The following SGTA variants were observed in gnomAD, a reference collection of about 807,000 sequenced individuals.
The protein encoded by SGTA is small glutamine rich tetratricopeptide repeat co-chaperone alpha.
In SGTA, 22 loss-of-function variants were observed where a neutral mutation model predicts 44.3. The ratio of observed to expected loss-of-function variants is 0.50; its 90% CI spans 0.36 to 0.71. SGTA has a LOEUF of 0.71. SGTA is among the 30% of genes least tolerant of loss of function. The pLI is 0.00. For synonymous variants in SGTA, 174 were observed against 177.6 expected, an observed-to-expected ratio of 0.98 and a Z score of 0.16; for missense variants, 341 against 435.9, an observed-to-expected ratio of 0.78 and a Z score of 1.94.
Position 2,765,193 on chromosome 19 carries a change from A to G in SGTA, c.385T>C (p.Cys129Arg). ...CAGGCCCTGAGCTGGTACCTGTTGC[A>G]GAAATAGACGGCGTTGGCTGGGTTG... is the stretch of plus-strand genomic sequence containing the variant. ...ELNPANAVYF[C>R]NRAAAYSKLG... is the part of the protein sequence containing the mutation. The change falls in exon 5 of 12, where the codon TGC becomes CGC. Residue 129 changes from cysteine to arginine, a missense_variant. Transcript: ENST00000221566. The surrounding 1 kb of genome is among the most constrained non-coding windows in gnomAD (Gnocchi z 5.5). 1 of 1,613,782 alleles carries G rather than the reference A, an allele frequency of 6.2e-7. No individual in the cohort carries two copies. Among genetic ancestry groups the G allele is most frequent in the Non-Finnish European group, 8.5e-7 (1 of 1,179,714 alleles).
chr19:2,755,665 G>C lies in SGTA; in HGVS notation c.*275C>G, dbSNP rs2144715614. 1 of 985,532 alleles carries C rather than the reference G, an allele frequency of 1.0e-6. No homozygotes were observed. The highest frequency in any genetic ancestry group is 4.7e-5 in the South Asian group (1 of 21,296). The allele number at this position is 985,532 out of a possible 1,614,324, so 61.0% of individuals were successfully genotyped here. A position where few individuals can be genotyped will look rare whatever the true frequency, so the allele number is the denominator to read the frequency against. ...CCAGGATTCTAGAAAACACTCAAGT[G>C]ACCGAGCTTTCTGGGGGCTGGAAGG... On this transcript the variant is annotated 3_prime_UTR_variant, in exon 12 of 12. Coordinates refer to ENST00000221566, the MANE Select transcript of SGTA (RefSeq NM_003021.4). The surrounding 1 kb of genome is among the most constrained non-coding windows in gnomAD (Gnocchi z 5.2).
Position 2,782,297 on chromosome 19 carries a change from G to A in SGTA, c.-24+936C>T, listed in dbSNP as rs566551670. Reference sequence around the variant, plus strand: ...CCTGGTTGAGAACCACTGGTCAAGGGAGGGAAAAGGCAGACAAAAGGAATA... The same window carrying A: ...CCTGGTTGAGAACCACTGGTCAAGGAAGGGAAAAGGCAGACAAAAGGAATA... On this transcript the variant is annotated intron_variant, in intron 1 of 11. Coordinates refer to ENST00000221566, the MANE Select transcript of SGTA (RefSeq NM_003021.4). Among the ~76,000 whole-genome samples, 17 of 152,230 alleles carry A rather than the reference G, an allele frequency of 1.1e-4. No individual in the cohort carries two copies. The South Asian group carries it at 3.5e-3, about 32-fold the overall frequency.
intron 1 of SGTA, among the ~76,000 whole-genome samples, chr19:2,779,467 G>A (rs911156744): frequency 2.0e-5 from 3 of 152,168 alleles, no homozygotes; most frequent in African/African-American, 4.8e-5. Flanking sequence ...GCATGAGGAC[G>A]GCATTTTCCT....
Position 2,769,078 on chromosome 19 carries a change from A to G in SGTA, c.-10T>C. 6.2e-7 allele frequency: 1 copy of G among 1,611,922 alleles called. No homozygotes were observed. Among genetic ancestry groups the G allele is most frequent in the Admixed American group, 1.7e-5 (1 of 60,008 alleles). Reference sequence around the variant, plus strand: ...GCTTCTTGTTGTCCATCTTGAGCCCAGAAGAGGTGATACCTGGGGGTGCAG... The same window carrying G: ...GCTTCTTGTTGTCCATCTTGAGCCCGGAAGAGGTGATACCTGGGGGTGCAG... On this transcript the variant is annotated 5_prime_UTR_variant, in exon 2 of 12. Transcript: ENST00000221566.
chr19:2,757,650 C>G, intron 10 of SGTA, 43 bp downstream of exon 10: 1 of 1,490,334 alleles, frequency 6.7e-7, no homozygotes, highest in Non-Finnish European at 9.0e-7. Flanking sequence ...GAGCCCTGCC[C>G]GCCGCCCACG....
intron 1 of SGTA, among the ~76,000 whole-genome samples, chr19:2,781,120 T>C (rs1490125470): frequency 6.6e-6 from 1 of 152,186 alleles, no homozygotes; most frequent in African/African-American, 2.4e-5. Flanking sequence ...TACTGAGCAC[T>C]TCCTACCAGA....
At chr19:2,779,839 G>A (rs963954267) in intron 1 of SGTA, among the ~76,000 whole-genome samples, 2 of 152,204 alleles carry the variant, frequency 1.3e-5, no homozygotes, top group East Asian at 1.9e-4. Flanking sequence ...TTGGGAGGCC[G>A]AGGTGGGAGA....
chr19:2,758,339 G>C (rs752896701), intron 9 of SGTA, among the ~76,000 whole-genome samples: 10 of 152,110 alleles, frequency 6.6e-5, no homozygotes, highest in Non-Finnish European at 1.2e-4. Flanking sequence ...GACCAGCCTG[G>C]CCAACATGGT....
At chr19:2,759,073 A>C (rs1914911004) in intron 9 of SGTA, among the ~76,000 whole-genome samples, 184 bp downstream of exon 9, 1 of 144,640 alleles carries the variant, frequency 6.9e-6, no homozygotes, top group African/African-American at 2.7e-5. Flanking sequence ...GTTGCATGAC[A>C]GTGTGATGGT....
intron 1 of SGTA, among the ~76,000 whole-genome samples, chr19:2,769,348 G>A (rs1011697596): frequency 7.2e-5 from 11 of 152,290 alleles, no homozygotes; most frequent in South Asian, 2.1e-4. Flanking sequence ...GAGAACCCGC[G>A]TGCTCCCAGG....
chr19:2,760,383 T>C (rs774493371), intron 8 of SGTA, among the ~76,000 whole-genome samples: 28 of 151,768 alleles, frequency 1.8e-4, no homozygotes, highest in South Asian at 2.1e-4. Context: ...CCAGGCATGG[T>C]GGTGGGCACC....
rs1369914604 is a variant in SGTA at position 2,761,823 on chromosome 19, G to A, written c.637-301C>T. Among the ~76,000 whole-genome samples, 1 of 148,410 alleles carries A rather than the reference G, an allele frequency of 6.7e-6. No homozygotes were observed. Among genetic ancestry groups the A allele is most frequent in the Non-Finnish European group, 1.5e-5 (1 of 67,110 alleles). On this transcript the variant is annotated intron_variant, in intron 7 of 11. Coordinates refer to ENST00000221566, the MANE Select transcript of SGTA (RefSeq NM_003021.4). The surrounding 1 kb of genome is among the most constrained non-coding windows in gnomAD (Gnocchi z 5.7). ...GGGACGGCACAGTCTATCATCCCGT[G>A]TTTATTCCCCGCACAGCGCGACCGC...
In SGTA at chr19:2,767,068, G is replaced by A; in HGVS notation, c.292+68C>T. On this transcript the variant is annotated intron_variant, in intron 4 of 11. Transcript: ENST00000221566. This position sits in a 1 kb window ranked among gnomAD's most constrained non-coding sequence, Gnocchi z 7.3. ...GGGCCCCAGGGACCAGCTGGCCTCTGCGAGGGTCCCACAGCCCCGGAGTCC... is the reference window on the plus strand; with the variant it reads ...GGGCCCCAGGGACCAGCTGGCCTCTACGAGGGTCCCACAGCCCCGGAGTCC... 1 of 1,207,884 alleles carries A rather than the reference G, an allele frequency of 8.3e-7. No individual in the cohort carries two copies. The highest frequency in any genetic ancestry group is 1.2e-6 in the Non-Finnish European group (1 of 831,298). 74.8% of individuals were successfully genotyped at this position (1,207,884 alleles called of 1,614,324 possible).
chr19:2,782,504 G>GC (rs1192765530), intron 1 of SGTA: 1 of 152,184 alleles, frequency 6.6e-6, no homozygotes, highest in African/African-American at 2.4e-5. Context: ...ACCCTCCGAG[G>GC]CATCTGCTTT....
intron 1 of SGTA, among the ~76,000 whole-genome samples, chr19:2,776,362 C>T (rs73522740): frequency 0.018 from 2,691 of 152,338 alleles, 83 homozygotes; most frequent in African/African-American, 0.062. Flanking sequence ...CGGAACGCTA[C>T]GCAGCCATGA....
Position 2,776,125 on chromosome 19 carries a change from G to A in SGTA, c.-23-7034C>T, listed in dbSNP as rs546669173. Among the ~76,000 whole-genome samples, 83 of 152,294 alleles carry A rather than the reference G, an allele frequency of 5.4e-4. 1 individual carries two copies. Among genetic ancestry groups the A allele is most frequent in the African/African-American group, 1.9e-3 (77 of 41,560 alleles). On this transcript the variant is annotated intron_variant, in intron 1 of 11. Transcript: ENST00000221566. ...GAAACCACAAAAGCTGACGTCATCC[G>A]CCCCGGCCAACAGGGTTCAGAGAGC... is the stretch of plus-strand genomic sequence containing the variant.
At position 2,757,732 on chromosome 19, in the gene SGTA, G is replaced by A. The variant is rs1191665990; in HGVS notation, c.788C>T (p.Thr263Ile). Residue 263 changes from threonine (T) to isoleucine (I), a missense_variant, in exon 10 of 12, where the codon ACC becomes ATC. Transcript: ENST00000221566. ...GGCCAGGTCGTTCTGCGAGGGGCTG[G>A]TGCCGGGAGTTCCCAAGGGGTTGTT... The part of the protein sequence containing the change: ...GGNNPLGTPG[T>I]SPSQNDLASL... The A allele has an allele frequency of 6.2e-7, 1 of 1,603,998 alleles. No individual in the cohort carries two copies. Among genetic ancestry groups the A allele is most frequent in the East Asian group, 2.2e-5 (1 of 44,596 alleles).
intron 1 of SGTA, among the ~76,000 whole-genome samples, chr19:2,780,113 C>T (rs1915537713): frequency 6.6e-6 from 1 of 152,056 alleles, no homozygotes; most frequent in Non-Finnish European, 1.5e-5. Flanking sequence ...AACTCACAAC[C>T]ACCTCTCTTC....
At position 2,762,577 on chromosome 19, in the gene SGTA, C is replaced by A; in HGVS notation, c.565G>T (p.Asp189Tyr). ...VAYYKKALEL[D>Y]PDNETYKSNL... The stretch of plus-strand genomic sequence containing the variant: ...GACTTGTATGTCTCGTTGTCGGGGT[C>A]CAGCTCCAGAGCCTTCTTGTAGTAA... The change falls in exon 7 of 12, where the codon GAC (aspartate) becomes TAC (tyrosine). Residue 189 changes from aspartate to tyrosine, a missense_variant. Asp to Tyr is a radical substitution (Grantham distance 160). Transcript: ENST00000221566. 1 of 1,614,110 alleles carries A rather than the reference C, an allele frequency of 6.2e-7. No individual in the cohort carries two copies. The highest frequency in any genetic ancestry group is 2.2e-5 in the East Asian group (1 of 44,880).
Sources: allele counts gnomAD v4.1 joint callset (sites outside exome capture counted in the v4.1 genomes callset), GRCh38; gene constraint gnomAD v4.1.1; non-coding constraint Gnocchi (gnomAD v3.1); transcripts MANE v1.5; gene names NCBI Gene and HGNC (gene_info 2026-07-23, HGNC 2026-07-21).